Variants in CSMD3 observed in about 807,000 individuals in gnomAD.
The protein encoded by CSMD3 is CUB and sushi domain-containing protein 3.
Under a neutral mutation model 435.2 loss-of-function variants are expected in CSMD3, and 177 were observed. The ratio of observed to expected loss-of-function variants is 0.41; its 90% confidence interval spans 0.36 to 0.46. The LOEUF is 0.46. Among genes scored for constraint, CSMD3 ranks in the 20% least tolerant of loss-of-function variants. The pLI is 0.34. For synonymous variants in CSMD3, 1,656 were observed against 1,520.5 expected (o/e 1.09, Z -2.07); for missense variants, 4,265 against 4,504.6 (o/e 0.95, Z 1.52).
chr8:112,518,474 C>A (rs2130997882), intron 27 of CSMD3, among the ~76,000 whole-genome samples: 2 of 152,226 alleles, frequency 1.3e-5, no homozygotes, highest in East Asian at 3.9e-4. Context: ...TCCGTCTGCA[C>A]TAAATTTATA....
At chr8:113,090,158 T>A (rs1473866530) in intron 5 of CSMD3, among the ~76,000 whole-genome samples, 2 of 152,186 alleles carry the variant, frequency 1.3e-5, no homozygotes, top group East Asian at 1.9e-4. Flanking sequence ...CATCAAAGGA[T>A]TTTGGGGCTA....
chr8:112,225,187 T>A (rs2129773362), intron 70 of CSMD3, among the ~76,000 whole-genome samples: 1 of 152,218 alleles, frequency 6.6e-6, no homozygotes, highest in Admixed American at 6.5e-5. Flanking sequence ...ATATGATGGC[T>A]ATAATAAATT....
chr8:112,621,208 C>G (rs1185048120), intron 22 of CSMD3, among the ~76,000 whole-genome samples: 1 of 151,906 alleles, frequency 6.6e-6, no homozygotes, highest in African/African-American at 2.4e-5. Flanking sequence ...GCACTCCAGC[C>G]TGGGCAATAA....
At chr8:112,855,124 T>C (rs1054422373) in intron 11 of CSMD3, among the ~76,000 whole-genome samples, 6 of 152,178 alleles carry the variant, frequency 3.9e-5, no homozygotes, top group Non-Finnish European at 8.8e-5. Context: ...AAATAAAATA[T>C]AAAATTAAAA....
At chr8:112,687,958 A>G (rs1317078166) in intron 14 of CSMD3, among the ~76,000 whole-genome samples, 1 of 152,140 alleles carries the variant, frequency 6.6e-6, no homozygotes, top group Non-Finnish European at 1.5e-5. Flanking sequence ...ATTTGATCCT[A>G]TAACTCCTGA....
intron 2 of CSMD3, among the ~76,000 whole-genome samples, chr8:113,306,933 A>T (rs2093826106): frequency 6.6e-6 from 1 of 152,136 alleles, no homozygotes; most frequent in Non-Finnish European, 1.5e-5. Context: ...TATAATAAAT[A>T]TGAATTGTGA....
chr8:113,320,108 G>A (rs192645783), intron 1 of CSMD3, among the ~76,000 whole-genome samples: 2 of 152,046 alleles, frequency 1.3e-5, no homozygotes, highest in African/African-American at 2.4e-5. Context: ...ATTTGGGTGT[G>A]CACACTTTGC....
rs181678944 is a variant in CSMD3, at chr8:112,586,594, T to C, written c.3885+472A>G. Among the ~76,000 whole-genome samples the C allele has an allele frequency of 1.1e-3, 170 of 151,250 alleles. 2 individuals carry two copies. The highest frequency in any genetic ancestry group is 4.0e-3 in the African/African-American group (168 of 41,516). On this transcript the variant is annotated intron_variant, in intron 23 of 70. Transcript: ENST00000297405. ...GTTAGGTTTATATATTCATAAAATGTATCCATAGTCATAAATGCAAAAGAT... is the reference window on the plus strand; with the variant it reads ...GTTAGGTTTATATATTCATAAAATGCATCCATAGTCATAAATGCAAAAGAT...
intron 28 of CSMD3, among the ~76,000 whole-genome samples, chr8:112,508,681 C>T (rs1463332861): frequency 6.6e-6 from 1 of 152,194 alleles, no homozygotes; most frequent in Non-Finnish European, 1.5e-5. Context: ...TTTCATCTAA[C>T]TCCTGAGATA....
chr8:112,983,313 A>G (rs1407353518), intron 6 of CSMD3, among the ~76,000 whole-genome samples: 1 of 151,658 alleles, frequency 6.6e-6, no homozygotes, highest in Non-Finnish European at 1.5e-5. Context: ...CTGGCCTTTA[A>G]GTTTGGGACC....
intron 3 of CSMD3, among the ~76,000 whole-genome samples, chr8:113,250,918 A>G (rs2093329260): frequency 6.6e-6 from 1 of 152,136 alleles, no homozygotes; most frequent in Non-Finnish European, 1.5e-5. Flanking sequence ...GCATTCAAAA[A>G]ATAAATAAAG....
chr8:112,900,519 G>T (rs2082084510), intron 10 of CSMD3, among the ~76,000 whole-genome samples: 1 of 151,216 alleles, frequency 6.6e-6, no homozygotes, highest in African/African-American at 2.4e-5. Flanking sequence ...GAAGTTGGGG[G>T]TCAAGGAAGT....
At chr8:112,868,887 T>G (rs140674299) in intron 10 of CSMD3, among the ~76,000 whole-genome samples, 1 of 150,922 alleles carries the variant, frequency 6.6e-6, no homozygotes, top group African/African-American at 2.4e-5. Flanking sequence ...GACTTAAATG[T>G]AGGATATGAA....
At chr8:112,704,220 T>TC (rs1021649690) in intron 13 of CSMD3, among the ~76,000 whole-genome samples, 1 of 151,610 alleles carries the variant, frequency 6.6e-6, no homozygotes, top group African/African-American at 2.4e-5. Context: ...ACCTCAATGA[T>TC]CCCCCCACCT....
At chr8:113,142,885 TATAC>T (rs1040397919) in intron 4 of CSMD3, among the ~76,000 whole-genome samples, 3 of 139,362 alleles carry the variant, frequency 2.2e-5, no homozygotes, top group African/African-American at 7.9e-5. Flanking sequence ...TATATATATA[TATAC>T]CTACTATGTA....
intron 27 of CSMD3, among the ~76,000 whole-genome samples, 193 bp downstream of exon 27, chr8:112,550,477 CA>C (rs1827583024): frequency 6.6e-6 from 1 of 151,810 alleles, no homozygotes; most frequent in African/African-American, 2.4e-5. Context: ...TCTCAACAAT[CA>C]ATATTCAAAG....
chr8:113,077,518 A>G (rs965344253), intron 5 of CSMD3, among the ~76,000 whole-genome samples: 1 of 152,100 alleles, frequency 6.6e-6, no homozygotes, highest in African/African-American at 2.4e-5. Flanking sequence ...CCTGATCAAC[A>G]TGGCGAAACC....
chr8:113,329,526 C>G (rs1474631950), intron 1 of CSMD3, among the ~76,000 whole-genome samples: 4 of 152,054 alleles, frequency 2.6e-5, no homozygotes, highest in African/African-American at 9.7e-5. Flanking sequence ...ATACCAAGAT[C>G]TGCATAATTG....
intron 4 of CSMD3, among the ~76,000 whole-genome samples, chr8:113,115,084 T>A (rs928885646): frequency 2.0e-5 from 3 of 152,172 alleles, no homozygotes; most frequent in Non-Finnish European, 4.4e-5. Context: ...TTAACAAGCC[T>A]TCCAGGTGAA....
Sources: gnomAD v4.1 joint callset for allele counts (sites outside exome capture counted in the v4.1 genomes callset) on GRCh38, gnomAD v4.1.1 for gene constraint, MANE v1.5 for transcripts, NCBI Gene and HGNC (gene_info 2026-07-23, HGNC 2026-07-21) for gene names.